Variants in ITGA8 observed in about 807,000 individuals in gnomAD.
The protein encoded by ITGA8 is integrin alpha-8.
Under a neutral mutation model 142.3 loss-of-function variants are expected in ITGA8, and 91 were observed. The ratio of observed to expected loss-of-function variants is 0.64; its 90% CI spans 0.54 to 0.76. ITGA8 has a LOEUF of 0.76. ITGA8 is among the 30% of genes least tolerant of loss of function. The pLI, the probability that ITGA8 is intolerant of heterozygous loss-of-function variation, is 0.00. For synonymous variants in ITGA8, 505 were observed against 485.2 expected, an observed-to-expected ratio of 1.04 and a Z score of -0.54; for missense variants, 1,406 against 1,327.7, an observed-to-expected ratio of 1.06 and a Z score of -0.92.
chr10:15,670,004 G>A (rs1834479760), intron 8 of ITGA8, among the ~76,000 whole-genome samples: 1 of 152,130 alleles, frequency 6.6e-6, no homozygotes, highest in African/African-American at 2.4e-5. Flanking sequence ...CAGATCTCAA[G>A]CTGCGTGCTG....
In ITGA8 at chr10:15,548,537, G is replaced by A; in HGVS notation, c.2798C>T (p.Ser933Phe). The A allele has an allele frequency of 6.2e-7, 1 of 1,609,392 alleles. No individual in the cohort carries two copies. Among genetic ancestry groups the A allele is most frequent in the Non-Finnish European group, 8.5e-7 (1 of 1,178,616 alleles). Residue 933 changes from serine (S) to phenylalanine (F), a missense_variant, in exon 27 of 30, where the codon TCC (serine) becomes TTC (phenylalanine). By Grantham distance (155) the Ser-to-Phe change is radical. Coordinates refer to ENST00000378076, the MANE Select transcript of ITGA8 (RefSeq NM_003638.3). ...NCTNIECLQI[S>F]CAVGRLEGGE... is the part of the protein sequence containing the mutation. ...TCCTTCGAGTCGTCCCACTGCACAG[G>A]AGATTTGTAAACACTCGATATTTGT... is the stretch of plus-strand genomic sequence containing the variant.
At chr10:15,704,979 TCGTATTATGG>T (rs1835231063) in intron 2 of ITGA8, among the ~76,000 whole-genome samples, 1 of 141,204 alleles carries the variant, frequency 7.1e-6, no homozygotes, top group Admixed American at 7.5e-5. Flanking sequence ...ACAGAACAGT[TCGTATTATGG>T]TTTTTGTTGT....
At chr10:15,667,361 G>C (rs1834415868) in intron 8 of ITGA8, among the ~76,000 whole-genome samples, 1 of 152,020 alleles carries the variant, frequency 6.6e-6, no homozygotes, top group African/African-American at 2.4e-5. Context: ...TATCGGTGGT[G>C]ATATCCCCTT....
chr10:15,660,159 C>A (rs1002836904), intron 9 of ITGA8, among the ~76,000 whole-genome samples: 3 of 152,206 alleles, frequency 2.0e-5, no homozygotes, highest in Non-Finnish European at 4.4e-5. Context: ...GCATCCTCCA[C>A]AATTATTCCC....
chr10:15,700,502 G>A (rs962118866), intron 2 of ITGA8, among the ~76,000 whole-genome samples: 15 of 152,248 alleles, frequency 9.9e-5, no homozygotes, highest in South Asian at 2.1e-4. Flanking sequence ...GTATGCTATC[G>A]CAGTAAACAT....
chr10:15,709,000 G>T (rs1324215471), intron 2 of ITGA8, among the ~76,000 whole-genome samples: 1 of 152,168 alleles, frequency 6.6e-6, no homozygotes, highest in Non-Finnish European at 1.5e-5. Flanking sequence ...TGTTTCTACA[G>T]CCATTTGGGT....
Position 15,515,989 on chromosome 10 carries a change from A to T in ITGA8, c.*1169T>A, listed in dbSNP as rs1311495967. 6.6e-6 allele frequency: 1 copy of T among 152,214 alleles called. No homozygotes were observed. The highest frequency in any genetic ancestry group is 2.4e-5 in the African/African-American group (1 of 41,456). 9.4% of individuals were successfully genotyped at this position (152,214 alleles called of 1,614,324 possible). ...GGAATCAGTTTTCCCAGTTTGGCTCATGCCTGTATAATTTTATGTTTTTGT... is the reference window on the plus strand; with the variant it reads ...GGAATCAGTTTTCCCAGTTTGGCTCTTGCCTGTATAATTTTATGTTTTTGT... On this transcript the variant is annotated 3_prime_UTR_variant, in exon 30 of 30. Transcript: ENST00000378076.
intron 23 of ITGA8, among the ~76,000 whole-genome samples, chr10:15,576,893 A>G: frequency 6.6e-6 from 1 of 152,208 alleles, no homozygotes; most frequent in East Asian, 1.9e-4. Flanking sequence ...AGAACAGGGC[A>G]CAACTTTGCT....
chr10:15,704,667 A>C (rs1835225530), intron 2 of ITGA8, among the ~76,000 whole-genome samples: 1 of 152,224 alleles, frequency 6.6e-6, no homozygotes, highest in African/African-American at 2.4e-5. Context: ...TCTGATGGCC[A>C]GGAACACAGC....
At chr10:15,669,669 G>C (rs948807925) in intron 8 of ITGA8, among the ~76,000 whole-genome samples, 1 of 152,094 alleles carries the variant, frequency 6.6e-6, no homozygotes, top group Non-Finnish European at 1.5e-5. Context: ...CTTTGATGAT[G>C]GTGACGTACA....
intron 11 of ITGA8, among the ~76,000 whole-genome samples, chr10:15,651,799 C>T (rs1834091175): frequency 6.6e-6 from 1 of 151,982 alleles, no homozygotes; most frequent in Admixed American, 6.6e-5. Context: ...TATATATCAC[C>T]ATTGTTGTAA....
Position 15,572,520 on chromosome 10 carries a change from C to T in ITGA8, c.2479-151G>A, listed in dbSNP as rs909021009. 2.1e-5 allele frequency: 14 copies of T among 662,608 alleles called. No homozygotes were observed. In the East Asian group the frequency reaches 2.5e-4, roughly 12 times the overall value. 41.0% of individuals were successfully genotyped at this position (662,608 alleles called of 1,614,324 possible). On this transcript the variant is annotated intron_variant, in intron 24 of 29. Transcript: ENST00000378076. Reference sequence around the variant, plus strand: ...TATGGAAAATAAGAAAATTCAAAGTCGATATGGCAAGAAGCACTCTGAAAG... The same window carrying T: ...TATGGAAAATAAGAAAATTCAAAGTTGATATGGCAAGAAGCACTCTGAAAG...
At chr10:15,547,704 G>T (rs1695593296) in intron 27 of ITGA8, among the ~76,000 whole-genome samples, 4 of 152,196 alleles carry the variant, frequency 2.6e-5, no homozygotes, top group African/African-American at 9.6e-5. Context: ...CTTGGCTGAG[G>T]TGCTGTCCTG....
At chr10:15,655,289 G>C in intron 11 of ITGA8, 65 bp downstream of exon 11, 1 of 1,097,820 alleles carries the variant, frequency 9.1e-7, no homozygotes, top group Non-Finnish European at 1.3e-6. Context: ...TTTTGTGAAG[G>C]AAAAACATAA....
intron 13 of ITGA8, among the ~76,000 whole-genome samples, chr10:15,618,194 C>A (rs1833428851): frequency 6.6e-6 from 1 of 151,710 alleles, no homozygotes; most frequent in South Asian, 2.1e-4. Flanking sequence ...ACTCATGTGA[C>A]AAACATACAC....
chr10:15,535,937 C>T (rs529033729), intron 27 of ITGA8, among the ~76,000 whole-genome samples: 34 of 152,088 alleles, frequency 2.2e-4, no homozygotes, highest in Non-Finnish European at 4.3e-4. Context: ...AACCAGACCA[C>T]AAACCCACCG....
intron 2 of ITGA8, among the ~76,000 whole-genome samples, chr10:15,699,816 T>G (rs1282233060): frequency 6.6e-6 from 1 of 152,198 alleles, no homozygotes; most frequent in Admixed American, 6.5e-5. Context: ...TCTCAACTTT[T>G]GTTATTACAG....
At chr10:15,681,586 T>C (rs538476847) in intron 4 of ITGA8, among the ~76,000 whole-genome samples, 1 of 152,360 alleles carries the variant, frequency 6.6e-6, no homozygotes, top group African/African-American at 2.4e-5. Context: ...TTTCATGTGC[T>C]GTATTTTGAT....
At chr10:15,691,232 A>G (rs1243652490) in intron 2 of ITGA8, among the ~76,000 whole-genome samples, 1 of 152,184 alleles carries the variant, frequency 6.6e-6, no homozygotes, top group African/African-American at 2.4e-5. Flanking sequence ...CCCCTAGCAT[A>G]CTCCTGGTGG....
Sources: gnomAD v4.1 joint callset for allele counts (sites outside exome capture counted in the v4.1 genomes callset) on GRCh38, gnomAD v4.1.1 for gene constraint, MANE v1.5 for transcripts, NCBI Gene and HGNC (gene_info 2026-07-23, HGNC 2026-07-21) for gene names.